The following ARAP2 variants were observed in gnomAD, a reference collection of about 807,000 sequenced individuals.
ARAP2 encodes the protein ArfGAP with RhoGAP domain, ankyrin repeat and PH domain 2, also known as arf-GAP with Rho-GAP domain, ANK repeat and PH domain-containing protein 2.
A neutral mutation model predicts 194.5 loss-of-function variants in ARAP2; 148 were observed. That is an observed-to-expected ratio of 0.76 (90% confidence interval 0.67 to 0.87). The LOEUF (loss-of-function observed/expected upper bound fraction) is 0.87, where lower values mean the gene tolerates loss of function less well. Among genes scored for constraint, ARAP2 ranks in the 40% least tolerant of loss-of-function variants. ARAP2 has a pLI of 0.00. For missense variants in ARAP2, 2,128 were observed against 1,989.7 expected (o/e 1.07, Z -1.32); for synonymous variants, 695 against 683.5 (o/e 1.02, Z -0.26).
At chr4:36,054,107 T>C (rs1024457308) in intron 2 of ARAP2, among the ~76,000 whole-genome samples, 1 of 152,206 alleles carries the variant, frequency 6.6e-6, no homozygotes, top group Admixed American at 6.5e-5. Flanking sequence ...CGTGAATGCT[T>C]CATACATCAC....
chr4:36,182,060 T>C (rs1739401092), intron 8 of ARAP2, among the ~76,000 whole-genome samples: 2 of 152,150 alleles, frequency 1.3e-5, no homozygotes, highest in Admixed American at 6.5e-5. Flanking sequence ...AGATTTGGTA[T>C]ATTCAAGGAA....
rs113328848 is a variant in ARAP2, at chr4:36,017,478, G to A, written n.751-1520C>T. ...AGGAGAATAAGAGAGAAAGGGAGAT[G>A]GGAGGAGTTACTCTTTTACAAAAAA... On this transcript the variant is annotated intron_variant and non_coding_transcript_variant, in intron 6 of 12. Transcript: ENST00000503225. 9.3e-3 allele frequency among the ~76,000 whole-genome samples: 1,302 copies of A among 139,944 alleles called. 23 individuals carry two copies. Among genetic ancestry groups the A allele is most frequent in the African/African-American group, 0.033 (1,249 of 38,204 alleles). The allele number at this position is 139,944 out of a possible 152,430, so 91.8% of individuals were successfully genotyped here. A position where few individuals can be genotyped will look rare whatever the true frequency, so the allele number is the denominator to read the frequency against.
Position 36,119,690 on chromosome 4 carries a change from T to C in ARAP2, c.3923A>G (p.Asp1308Gly), listed in dbSNP as rs768965350. 1 of 1,604,004 alleles carries C rather than the reference T, an allele frequency of 6.2e-7. No homozygotes were observed. Among genetic ancestry groups the C allele is most frequent in the African/African-American group, 1.3e-5 (1 of 74,704 alleles). ...CTTGGTAATAAAGCTATTTTCTATG[T>C]CCATTTGTTTGACTTGATCTTCTTT... ...EVKEDQVKQM[D>G]IENSFITKWK... The change falls in exon 24 of 33, where the codon GAC becomes GGC. Residue 1308 changes from aspartate (D) to glycine (G), a missense_variant. Physicochemically the swap from Asp to Gly is moderately conservative, Grantham distance 94. Coordinates refer to ENST00000303965, the MANE Select transcript of ARAP2 (RefSeq NM_015230.4).
chr4:36,014,324 GAGAAAGAAAGAAAGAAAGAAAGAA>G lies in ARAP2; in HGVS notation n.1056+1038_1056+1061del, dbSNP rs1181898359. 8.1e-4 allele frequency among the ~76,000 whole-genome samples: 89 copies of G among 109,852 alleles called. 1 individual carries two copies. Among genetic ancestry groups the G allele is most frequent in the Middle Eastern group, 4.5e-3 (1 of 224 alleles). The allele number at this position is 109,852 out of a possible 152,430, so 72.1% of individuals were successfully genotyped here. On this transcript the variant is annotated intron_variant and non_coding_transcript_variant, in intron 8 of 12. Transcript: ENST00000503225. ...AGAGAAGGAAGGAAAGAAAGAAAGA[GAGAAAGAAAGAAAGAAAGAAAGAA>G]AGAAAGAAAGAAAGAAAGAAAGAAA...
chr4:36,019,499 T>G (rs1403873254), intron 5 of ARAP2, among the ~76,000 whole-genome samples: 1 of 149,142 alleles, frequency 6.7e-6, no homozygotes, highest in Non-Finnish European at 1.5e-5. Context: ...GATGGAAGAT[T>G]GACCTGGAAC....
chr4:36,199,896 T>C (rs1168020566), intron 6 of ARAP2, among the ~76,000 whole-genome samples: 1 of 152,204 alleles, frequency 6.6e-6, no homozygotes, highest in Non-Finnish European at 1.5e-5. Context: ...CTTCTTTGTG[T>C]TAATTATTTC....
intron 3 of ARAP2, among the ~76,000 whole-genome samples, chr4:36,214,218 A>G (rs1334940003): frequency 2.0e-5 from 3 of 152,202 alleles, no homozygotes; most frequent in Non-Finnish European, 4.4e-5. Flanking sequence ...ATTAGCATGT[A>G]CAAATTTCCA....
At chr4:36,183,932 C>A (rs1408135947) in intron 8 of ARAP2, among the ~76,000 whole-genome samples, 1 of 152,124 alleles carries the variant, frequency 6.6e-6, no homozygotes, top group Non-Finnish European at 1.5e-5. Flanking sequence ...TCATTCAAAG[C>A]CTTATCACCA....
chr4:36,198,899 A>T (rs1743761738), intron 6 of ARAP2, among the ~76,000 whole-genome samples: 1 of 152,152 alleles, frequency 6.6e-6, no homozygotes, highest in South Asian at 2.1e-4. Context: ...CTCCACCAAG[A>T]GCACAGGGAG....
chr4:36,065,530 A>T (rs1193100674), downstream of ARAP2: 2 of 265,762 alleles, frequency 7.5e-6, no homozygotes, highest in East Asian at 2.3e-4. Context: ...CAGGCAGTAG[A>T]GTTCACCCTT....
At chr4:36,008,562 T>C (rs550768118) in intron 9 of ARAP2, among the ~76,000 whole-genome samples, 1 of 152,194 alleles carries the variant, frequency 6.6e-6, no homozygotes, top group South Asian at 2.1e-4. Context: ...ATTAAAGACT[T>C]AAATGTAAAA....
At chr4:36,200,971 G>A (rs571953766) in intron 6 of ARAP2, among the ~76,000 whole-genome samples, 6 of 152,184 alleles carry the variant, frequency 3.9e-5, no homozygotes, top group Non-Finnish European at 7.3e-5. Flanking sequence ...CTATGTTCCG[G>A]CTACCATACA....
chr4:36,096,599 T>G (rs1715389329), intron 27 of ARAP2, among the ~76,000 whole-genome samples: 1 of 152,086 alleles, frequency 6.6e-6, no homozygotes, highest in Non-Finnish European at 1.5e-5. Flanking sequence ...ATCCTAACCA[T>G]GAATAAACAT....
intron 25 of ARAP2, among the ~76,000 whole-genome samples, chr4:36,114,497 A>G (rs1245512572): frequency 6.6e-6 from 1 of 152,070 alleles, no homozygotes; most frequent in Non-Finnish European, 1.5e-5. Flanking sequence ...ATCACAATAT[A>G]GACATAAGAG....
rs541074249 is a variant in ARAP2 at position 36,038,029 on chromosome 4, G to A, written n.607+7950C>T. Among the ~76,000 whole-genome samples, 12 of 152,044 alleles carry A rather than the reference G, an allele frequency of 7.9e-5. 1 individual carries two copies. In the South Asian group the frequency reaches 8.3e-4, roughly 11 times the overall value. ...TTGTGCTTTTTGTGTCTTCTCCTTC[G>A]GCCACCATTTAGCAGGAGACATCCT... On this transcript the variant is annotated intron_variant and non_coding_transcript_variant, in intron 5 of 12. Coordinates refer to the ARAP2 transcript ENST00000503225.
chr4:36,139,272 AT>A, intron 19 of ARAP2, among the ~76,000 whole-genome samples: 1 of 151,554 alleles, frequency 6.6e-6, no homozygotes, highest in Non-Finnish European at 1.5e-5. Flanking sequence ...ATTTGAGAGA[AT>A]TTTTTGATTA....
At chr4:36,104,107 G>T (rs1266558943) in intron 27 of ARAP2, among the ~76,000 whole-genome samples, 3 of 151,866 alleles carry the variant, frequency 2.0e-5, no homozygotes, top group Admixed American at 2.0e-4. Context: ...AGGTACAAGG[G>T]ATGTTATAGG....
rs1730844613 is a variant in ARAP2 at position 36,151,030 on chromosome 4, AT to A, written c.2766del (p.Lys922AsnfsTer10). On this transcript the variant is annotated frameshift_variant, in exon 16 of 33. Transcript: ENST00000303965. LOFTEE classifies it high-confidence loss of function. Reference protein sequence around the residue: ...EKKLLEETNKKWCVLEGGFLS... With the variant: ...EKKLLEETNKXWCVLEGGFLS... Reference sequence around the variant, plus strand: ...AAGAAGCCTCCTTCCAAAACACACCATTTTTTATTTGTCTCTAAGAATTTGA... The same window carrying A: ...AAGAAGCCTCCTTCCAAAACACACCATTTTTATTTGTCTCTAAGAATTTGA... 6.3e-7 allele frequency: 1 copy of A among 1,595,562 alleles called. No homozygotes were observed. Among genetic ancestry groups the A allele is most frequent in the Non-Finnish European group, 8.5e-7 (1 of 1,174,368 alleles).
At chr4:36,171,521 G>C (rs1736625752) in intron 9 of ARAP2, among the ~76,000 whole-genome samples, 1 of 151,992 alleles carries the variant, frequency 6.6e-6, no homozygotes, top group Admixed American at 6.6e-5. Flanking sequence ...GGACTGTTGT[G>C]GGGTGGGGGG....
Sources: gnomAD v4.1 joint callset for allele counts (sites outside exome capture counted in the v4.1 genomes callset) on GRCh38, gnomAD v4.1.1 for gene constraint, MANE v1.5 for transcripts, NCBI Gene and HGNC (gene_info 2026-07-23, HGNC 2026-07-21) for gene names.